DCLK1: variants seen among roughly 807,000 people sequenced by gnomAD.
DCLK1 encodes the protein serine/threonine-protein kinase DCLK1.
A neutral mutation model predicts 86.2 loss-of-function variants in DCLK1; 16 were observed. The observed-to-expected ratio is 0.19, with a 90% CI of 0.13 to 0.28. DCLK1 has a LOEUF of 0.28. Among genes scored for constraint, DCLK1 ranks in the 10% least tolerant of loss-of-function variants. The pLI, the probability that DCLK1 is intolerant of heterozygous loss-of-function variation, is 1.00. For missense variants in DCLK1, 590 were observed against 940.2 expected, an observed-to-expected ratio of 0.63 and a Z score of 4.87; for synonymous variants, 369 against 370.5, an observed-to-expected ratio of 1.00 and a Z score of 0.05.
chr13:36,021,938 C>G (rs1482731221), intron 3 of DCLK1, among the ~76,000 whole-genome samples: 1 of 152,000 alleles, frequency 6.6e-6, no homozygotes, highest in East Asian at 1.9e-4. Context: ...CCAACAAAAG[C>G]AGAATACACA....
At chr13:35,835,208 G>A (rs558340437) in intron 8 of DCLK1, among the ~76,000 whole-genome samples, 3 of 152,204 alleles carry the variant, frequency 2.0e-5, no homozygotes, top group East Asian at 1.9e-4. Context: ...GCCCCACTGC[G>A]GGCAGAGAAA....
intron 6 of DCLK1, chr13:35,848,212 C>A: frequency 2.0e-6 from 2 of 985,154 alleles, no homozygotes; most frequent in Non-Finnish European, 2.4e-6. Context: ...AATTCATTGC[C>A]GAATTTTTTT....
chr13:35,778,789 C>T (rs550462385), intron 16 of DCLK1, among the ~76,000 whole-genome samples: 13 of 152,320 alleles, frequency 8.5e-5, no homozygotes, highest in African/African-American at 3.1e-4. Context: ...ATCCATCCAT[C>T]ACTGAACTCA....
intron 3 of DCLK1, among the ~76,000 whole-genome samples, chr13:36,111,020 G>C (rs1002061766): frequency 1.3e-5 from 2 of 151,472 alleles, no homozygotes; most frequent in Non-Finnish European, 2.9e-5. Context: ...ATTTTGAGTA[G>C]AGACGGGGTT....
chr13:36,072,763 C>T (rs183211585), intron 3 of DCLK1, among the ~76,000 whole-genome samples: 90 of 152,322 alleles, frequency 5.9e-4, no homozygotes, highest in South Asian at 1.4e-3. Context: ...CAACCAGCAG[C>T]CCTACCTTGT....
intron 5 of DCLK1, among the ~76,000 whole-genome samples, chr13:35,856,597 A>G (rs556318690): frequency 3.9e-5 from 6 of 152,344 alleles, no homozygotes; most frequent in African/African-American, 1.4e-4. Flanking sequence ...AAAGAGACAA[A>G]GGGCTCACAA....
At chr13:35,903,818 T>C (rs575406824) in intron 4 of DCLK1, among the ~76,000 whole-genome samples, 20 of 152,334 alleles carry the variant, frequency 1.3e-4, no homozygotes, top group African/African-American at 4.8e-4. Context: ...ATAAAGTCAC[T>C]TGTGATCCAT....
At chr13:35,816,983 C>T (rs1017700178) in intron 11 of DCLK1, among the ~76,000 whole-genome samples, 5 of 152,130 alleles carry the variant, frequency 3.3e-5, no homozygotes, top group African/African-American at 1.2e-4. Flanking sequence ...CTGACAGGTT[C>T]CACCAAGTGA....
chr13:35,928,885 T>C (rs968292899), intron 4 of DCLK1, among the ~76,000 whole-genome samples: 10 of 152,340 alleles, frequency 6.6e-5, no homozygotes, highest in Admixed American at 1.3e-4. Flanking sequence ...CCATAGCATA[T>C]GGTGACATTT....
At chr13:36,107,335 ATTTT>A (rs10670428) in intron 3 of DCLK1, among the ~76,000 whole-genome samples, 42 of 110,306 alleles carry the variant, frequency 3.8e-4, no homozygotes, top group East Asian at 5.2e-4. Flanking sequence ...GCAGTGGTAG[ATTTT>A]TTTTTTTTTT....
intron 3 of DCLK1, among the ~76,000 whole-genome samples, chr13:35,947,884 A>G (rs1877470673): frequency 6.6e-6 from 1 of 152,230 alleles, no homozygotes. Context: ...AAAGAAAAAT[A>G]CTTCTCTCAT....
At chr13:35,887,016 C>T (rs1926455) in intron 4 of DCLK1, among the ~76,000 whole-genome samples, 34,901 of 152,132 alleles carry the variant, frequency 0.23, 4,522 homozygotes, top group East Asian at 0.43. Context: ...TTAGCTGAAT[C>T]CCAACTGCCC....
In DCLK1 at chr13:35,963,854, C is replaced by A. The variant is rs140256715; in HGVS notation, c.724-16397G>T. Among the ~76,000 whole-genome samples, 961 of 152,268 alleles carry A rather than the reference C, an allele frequency of 6.3e-3. 8 individuals carry two copies. Among genetic ancestry groups the A allele is most frequent in the Non-Finnish European group, 0.011 (758 of 68,018 alleles). On this transcript the variant is annotated intron_variant, in intron 3 of 16. Transcript: ENST00000360631. ...TCCCTTCTGCCACAATTGTAAGTTT[C>A]CTGAGGCCTCCCCAGCAATGCAGAA...
At chr13:35,822,928 C>A (rs893409260) in intron 10 of DCLK1, 53 bp from the exon 11 acceptor site, 7 of 1,600,140 alleles carry the variant, frequency 4.4e-6, no homozygotes, top group South Asian at 1.1e-5. Context: ...GCCAGTGGGG[C>A]CACCTGCAGA....
chr13:35,825,272 C>T lies in DCLK1; in HGVS notation c.1407+2363G>A, dbSNP rs576318641. 1.6e-4 allele frequency among the ~76,000 whole-genome samples: 24 copies of T among 152,210 alleles called. No individual in the cohort carries two copies. The South Asian group carries it at 2.7e-3, about 17-fold the overall frequency. On this transcript the variant is annotated intron_variant, in intron 10 of 16. Transcript: ENST00000360631. ...TCTTTCAAGTCAAGCCTGGGGCTGG[C>T]CTTCACTTCCCTGGGAAGCTTCTCG...
At chr13:35,850,907 G>T in intron 6 of DCLK1, 1 of 689,598 alleles carries the variant, frequency 1.5e-6, no homozygotes, top group Non-Finnish European at 2.2e-6. Context: ...CACCAACTTG[G>T]ATTAGGAGGA....
At chr13:35,775,671 C>T (rs1437447217) in intron 16 of DCLK1, among the ~76,000 whole-genome samples, 1 of 152,062 alleles carries the variant, frequency 6.6e-6, no homozygotes, top group African/African-American at 2.4e-5. Flanking sequence ...TTTGAAAATC[C>T]CCCTTAAAAA....
At chr13:35,811,324 A>C (rs2153103034) in intron 11 of DCLK1, among the ~76,000 whole-genome samples, 1 of 152,228 alleles carries the variant, frequency 6.6e-6, no homozygotes, top group Admixed American at 6.5e-5. Flanking sequence ...CCATTAAAGA[A>C]AAAAAGTACA....
Position 35,827,663 on chromosome 13 carries a change from T to G in DCLK1, c.1379A>C (p.Glu460Ala), listed in dbSNP as rs771132885. The G allele has an allele frequency of 1.4e-5, 23 of 1,613,928 alleles. No individual in the cohort carries two copies. The highest frequency in any genetic ancestry group is 1.9e-5 in the Non-Finnish European group (23 of 1,180,014). ...TACTAATTCCATGACAAGATACAGT[T>G]CAGTTGGCACATCCATCTCCTCAAT... ...LLIEEMDVPT[E>A]LYLVMELVKG... is the part of the protein sequence containing the mutation. The change falls in exon 10 of 17, where the codon GAA (glutamate) becomes GCA (alanine). Residue 460 changes from glutamate to alanine, a missense_variant. Transcript: ENST00000360631.
Sources: allele counts gnomAD v4.1 joint callset (sites outside exome capture counted in the v4.1 genomes callset), GRCh38; gene constraint gnomAD v4.1.1; transcripts MANE v1.5; gene names NCBI Gene and HGNC (gene_info 2026-07-23, HGNC 2026-07-21).